ZNF683: variants seen among roughly 807,000 people sequenced by gnomAD.
ZNF683 encodes the protein zinc finger protein 683.
ZNF683 carries 20 observed loss-of-function variants against 31.4 expected under a neutral mutation model. The observed-to-expected ratio is 0.64, with a 90% CI of 0.45 to 0.93. The LOEUF (loss-of-function observed/expected upper bound fraction) is 0.93, where lower values mean the gene tolerates loss of function less well. Ranked by LOEUF, ZNF683 falls within the 40% of genes least tolerant of loss-of-function variation. The pLI is 0.00. For synonymous variants in ZNF683, 264 were observed against 267.6 expected (o/e 0.99, Z 0.13); for missense variants, 621 against 637.2 (o/e 0.97, Z 0.27).
intron 1 of ZNF683, among the ~76,000 whole-genome samples, chr1:26,371,111 G>T (rs1420681245): frequency 1.3e-5 from 2 of 152,280 alleles, no homozygotes; most frequent in African/African-American, 4.8e-5. Flanking sequence ...CAGTGATGGT[G>T]ACAGGTAGGG....
chr1:26,365,200 T>C lies in ZNF683; in HGVS notation c.346A>G (p.Ser116Gly). The C allele has an allele frequency of 6.2e-7, 1 of 1,606,080 alleles. No individual in the cohort carries two copies. The highest frequency in any genetic ancestry group is 1.7e-4 in the Middle Eastern group (1 of 6,056). The change falls in exon 4 of 6, where the codon AGC (serine) becomes GGC (glycine). Residue 116 changes from serine to glycine, a missense_variant. By Grantham distance (56) the Ser-to-Gly change is moderately conservative. Transcript: ENST00000349618. Reference sequence around the variant, plus strand: ...GTGAATTTCTTGTCATCGGTGGAGCTGGCCTGCAGCCCTGGTGGCTCGTGC... The same window carrying C: ...GTGAATTTCTTGTCATCGGTGGAGCCGGCCTGCAGCCCTGGTGGCTCGTGC... ...MKHEPPGLQA[S>G]STDDKKFTVK...
At position 26,362,003 on chromosome 1, in the gene ZNF683, C is replaced by A; in HGVS notation, c.1163G>T (p.Ser388Ile). The part of the protein sequence containing the change: ...HKCSVCHKRF[S>I]SSSNLKTHLR... ...GTGGGTCTTGAGGTTACTGGAGCTG[C>A]TGAAGCGCTTGTGGCACACCTGACG... Residue 388 changes from serine (S) to isoleucine (I), a missense_variant, in exon 6 of 6, where the codon AGC (serine) becomes ATC (isoleucine). Physicochemically the swap from Ser to Ile is moderately radical, Grantham distance 142. Coordinates refer to ENST00000349618, the MANE Select transcript of ZNF683 (RefSeq NM_001114759.3). 3.1e-6 allele frequency: 5 copies of A among 1,613,748 alleles called. No individual in the cohort carries two copies. The highest frequency in any genetic ancestry group is 4.2e-6 in the Non-Finnish European group (5 of 1,179,670).
At chr1:26,372,903 G>T, upstream of ZNF683, 1 of 1,054,340 alleles carries the variant, frequency 9.5e-7, no homozygotes, top group Non-Finnish European at 1.2e-6. Flanking sequence ...GCTCCATGTG[G>T]GAACCTGAGG....
Position 26,368,349 on chromosome 1 carries a change from G to A in ZNF683, c.114+109C>T, listed in dbSNP as rs994735137. On this transcript the variant is annotated intron_variant, in intron 2 of 5. Coordinates refer to ENST00000349618, the MANE Select transcript of ZNF683 (RefSeq NM_001114759.3). ...ATGTGCCTGGGATAGGGGGTGCTCA[G>A]ACTGGGAAGGAGATCTAGGTCCCTT... 8 of 1,338,450 alleles carry A rather than the reference G, an allele frequency of 6.0e-6. No individual in the cohort carries two copies. In the African/African-American group the frequency reaches 7.5e-5, roughly 13 times the overall value. 82.9% of individuals were successfully genotyped at this position (1,338,450 alleles called of 1,614,324 possible).
At chr1:26,367,839 A>T (rs1253796015) in intron 2 of ZNF683, 42 bp from the exon 3 acceptor site, 1 of 1,464,578 alleles carries the variant, frequency 6.8e-7, no homozygotes, top group Admixed American at 2.4e-5. Context: ...GGTGACTGGG[A>T]CTCCATGGGT....
Position 26,365,106 on chromosome 1 carries a change from C to A in ZNF683, c.440G>T (p.Cys147Phe). ...QPERAGEGAP[C>F]PAFSSHNSSS... Reference sequence around the variant, plus strand: ...GCTGTTATGAGAGGAGAAGGCTGGGCAGGGGGCCCCCTCGCCAGCTCTTTC... The same window carrying A: ...GCTGTTATGAGAGGAGAAGGCTGGGAAGGGGGCCCCCTCGCCAGCTCTTTC... The change falls in exon 4 of 6, where the codon TGC (cysteine) becomes TTC (phenylalanine). Residue 147 changes from cysteine to phenylalanine, a missense_variant. Physicochemically the swap from Cys to Phe is radical, Grantham distance 205. Coordinates refer to ENST00000349618, the MANE Select transcript of ZNF683 (RefSeq NM_001114759.3). 6.2e-7 allele frequency: 1 copy of A among 1,606,624 alleles called. No homozygotes were observed. Among genetic ancestry groups the A allele is most frequent in the East Asian group, 2.2e-5 (1 of 44,672 alleles).
In ZNF683 at chr1:26,365,202, G is replaced by A. The variant is rs574772802; in HGVS notation, c.344C>T (p.Ala115Val). The A allele has an allele frequency of 8.1e-6, 13 of 1,605,272 alleles. No homozygotes were observed. The East Asian group carries it at 1.8e-4, about 22-fold the overall frequency. The change falls in exon 4 of 6, where the codon GCC becomes GTC. Residue 115 changes from alanine (A) to valine (V), a missense_variant. By Grantham distance (64) the Ala-to-Val change is moderately conservative. Coordinates refer to ENST00000349618, the MANE Select transcript of ZNF683 (RefSeq NM_001114759.3). ...GAATTTCTTGTCATCGGTGGAGCTG[G>A]CCTGCAGCCCTGGTGGCTCGTGCTC... The part of the protein sequence containing the change: ...SMKHEPPGLQ[A>V]SSTDDKKFTV...
intron 1 of ZNF683, among the ~76,000 whole-genome samples, chr1:26,371,828 A>T (rs1453130760): frequency 1.3e-5 from 2 of 151,630 alleles, no homozygotes; most frequent in Non-Finnish European, 2.9e-5. Flanking sequence ...GCTACTCAGG[A>T]GGCTGAGGTG....
In ZNF683 at chr1:26,361,726, G is replaced by A; in HGVS notation, c.1440C>T (p.Ser480=). The part of the protein sequence containing the change: ...DIDEVKVSST[S]QGKARAVSLS... ...GGCTCACTGCTCTTGCTTTCCCCTG[G>A]GATGTCGAGGACACTTTGACCTCAT... The change falls in exon 6 of 6, where the codon TCC becomes TCT. Residue 480 remains serine, a synonymous_variant. Coordinates refer to ENST00000349618, the MANE Select transcript of ZNF683 (RefSeq NM_001114759.3). 2.5e-6 allele frequency: 4 copies of A among 1,614,046 alleles called. No homozygotes were observed. The highest frequency in any genetic ancestry group is 3.4e-6 in the Non-Finnish European group (4 of 1,179,898).
chr1:26,374,469 C>A, upstream of ZNF683: 1 of 1,122,498 alleles, frequency 8.9e-7, no homozygotes, highest in Admixed American at 3.5e-5. Context: ...TGAGGACAGA[C>A]TCCCTCAGGT....
chr1:26,370,405 C>T (rs969293957), intron 1 of ZNF683, among the ~76,000 whole-genome samples: 23 of 152,192 alleles, frequency 1.5e-4, no homozygotes, highest in Non-Finnish European at 2.8e-4. Context: ...TCATCCAGCA[C>T]CAGGCTTCTC....
chr1:26,367,942 C>G (rs2074570548), intron 2 of ZNF683, 145 bp from the exon 3 acceptor site: 3 of 636,972 alleles, frequency 4.7e-6, no homozygotes, highest in Non-Finnish European at 7.8e-6. Context: ...CAAATGGCAT[C>G]TCTTCCCTCA....
At position 26,365,221 on chromosome 1, in the gene ZNF683, C is replaced by G. The variant is rs747684398; in HGVS notation, c.325G>C (p.Glu109Gln). The G allele has an allele frequency of 2.5e-6, 4 of 1,594,144 alleles. No homozygotes were observed. The highest frequency in any genetic ancestry group is 3.5e-5 in the Admixed American group (2 of 56,916). ...LQEDALSMKH[E>Q]PPGLQASSTD... Reference sequence around the variant, plus strand: ...GAGCTGGCCTGCAGCCCTGGTGGCTCGTGCTCTAAGCAGGAAAAGGAAGGC... The same window carrying G: ...GAGCTGGCCTGCAGCCCTGGTGGCTGGTGCTCTAAGCAGGAAAAGGAAGGC... The change falls in exon 4 of 6, where the codon GAG (glutamate) becomes CAG (glutamine). Residue 109 changes from glutamate (E) to glutamine (Q), a missense_variant. Glu to Gln is a conservative substitution (Grantham distance 29). Coordinates refer to ENST00000349618, the MANE Select transcript of ZNF683 (RefSeq NM_001114759.3).
chr1:26,370,031 A>G lies in ZNF683; in HGVS notation c.-14-1446T>C, dbSNP rs575461400. Among the ~76,000 whole-genome samples the G allele has an allele frequency of 1.4e-4, 21 of 152,254 alleles. No homozygotes were observed. The South Asian group carries it at 2.5e-3, about 18-fold the overall frequency. ...ATCAATCAATCAATCAATGGAGATTAGCCAATCAGAAGTGAAGAGCAGAGC... is the reference window on the plus strand; with the variant it reads ...ATCAATCAATCAATCAATGGAGATTGGCCAATCAGAAGTGAAGAGCAGAGC... On this transcript the variant is annotated intron_variant, in intron 1 of 5. Coordinates refer to ENST00000349618, the MANE Select transcript of ZNF683 (RefSeq NM_001114759.3).
Position 26,369,388 on chromosome 1 carries a change from C to T in ZNF683, c.-14-803G>A, listed in dbSNP as rs867672121. Among the ~76,000 whole-genome samples the T allele has an allele frequency of 5.9e-5, 9 of 151,942 alleles. No individual in the cohort carries two copies. In the South Asian group the frequency reaches 1.9e-3, roughly 32 times the overall value. ...TAAAAATCCAAAAATTAAAATTAGA[C>T]CAGGTGCGGTGGCTCATGCCTGTAA... is the stretch of plus-strand genomic sequence containing the variant. On this transcript the variant is annotated intron_variant, in intron 1 of 5. Coordinates refer to ENST00000349618, the MANE Select transcript of ZNF683 (RefSeq NM_001114759.3).
chr1:26,374,286 T>C (rs2074720685), upstream of ZNF683: 6 of 1,304,230 alleles, frequency 4.6e-6, no homozygotes, highest in Non-Finnish European at 5.1e-6. Flanking sequence ...ACCTTTGGCT[T>C]CCATCTGCCA....
At position 26,361,890 on chromosome 1, in the gene ZNF683, G is replaced by A. The variant is rs147323022; in HGVS notation, c.1276C>T (p.Arg426Trp). 2.2e-4 allele frequency: 348 copies of A among 1,614,012 alleles called. No individual in the cohort carries two copies. The highest frequency in any genetic ancestry group is 4.3e-4 in the Admixed American group (26 of 60,034). Residue 426 changes from arginine (R) to tryptophan (W), a missense_variant, in exon 6 of 6, where the codon CGG becomes TGG. By Grantham distance (101) the Arg-to-Trp change is moderately radical. Coordinates refer to ENST00000349618, the MANE Select transcript of ZNF683 (RefSeq NM_001114759.3). ...CCACAGGGCTGTGGGGCATGCAGCCGATGGTGCAGCTTCAGGTGGATGTGC... is the reference window on the plus strand; with the variant it reads ...CCACAGGGCTGTGGGGCATGCAGCCAATGGTGCAGCTTCAGGTGGATGTGC... The part of the protein sequence containing the change: ...TQHIHLKLHH[R>W]LHAPQPCGLV...
chr1:26,365,189 A>G lies in ZNF683; in HGVS notation c.357T>C (p.Asp119=). The G allele has an allele frequency of 6.2e-7, 1 of 1,608,766 alleles. No homozygotes were observed. The highest frequency in any genetic ancestry group is 8.5e-7 in the Non-Finnish European group (1 of 1,177,854). The change falls in exon 4 of 6, where the codon GAT becomes GAC. Residue 119 remains aspartate (D), a synonymous_variant. Transcript: ENST00000349618. ...GGTACTTGACTGTGAATTTCTTGTC[A>G]TCGGTGGAGCTGGCCTGCAGCCCTG... ...EPPGLQASST[D]DKKFTVKYPQ...
upstream of ZNF683, chr1:26,373,360 G>A (rs56130837): frequency 0.025 from 3,791 of 152,302 alleles, 77 homozygotes; most frequent in Middle Eastern, 0.071. Context: ...TACACTCCAG[G>A]CTGGGCAACA....
Sources: allele counts gnomAD v4.1 joint callset (sites outside exome capture counted in the v4.1 genomes callset), GRCh38; gene constraint gnomAD v4.1.1; transcripts MANE v1.5; gene names NCBI Gene and HGNC (gene_info 2026-07-23, HGNC 2026-07-21).